The following ZDHHC11 variants were observed in gnomAD, a reference collection of about 807,000 sequenced individuals.
The protein encoded by ZDHHC11 is palmitoyltransferase ZDHHC11.
ZDHHC11 carries 44 observed loss-of-function variants against 51.3 expected under a neutral mutation model. The ratio of observed to expected loss-of-function variants is 0.86; its 90% CI spans 0.67 to 1.10. ZDHHC11 has a LOEUF of 1.10. Ranked by LOEUF, ZDHHC11 falls within the 50% of genes least tolerant of loss-of-function variation. ZDHHC11 has a pLI of 0.00. For synonymous variants in ZDHHC11, 163 were observed against 222.0 expected (o/e 0.73, Z 2.36); for missense variants, 400 against 537.7 (o/e 0.74, Z 2.53).
chr5:807,012 A>G (rs1269809806), intron 11 of ZDHHC11, among the ~76,000 whole-genome samples: 3 of 151,116 alleles, frequency 2.0e-5, no homozygotes, highest in Non-Finnish European at 4.4e-5. Flanking sequence ...GCACCTGTAC[A>G]ACAGGAGATC....
chr5:795,764 C>G lies in ZDHHC11; in HGVS notation c.*824G>C, dbSNP rs1218812134. ...ACTAAGATAAGAAGTCTGGGCTAGG[C>G]TGAAAAACTCAGAATCCAGGTCTGG... On this transcript the variant is annotated 3_prime_UTR_variant, in exon 13 of 13. Transcript: ENST00000283441. 2 of 154,486 alleles carry G rather than the reference C, an allele frequency of 1.3e-5. No individual in the cohort carries two copies. The highest frequency in any genetic ancestry group is 4.8e-5 in the African/African-American group (2 of 41,292). 9.6% of individuals were successfully genotyped at this position (154,486 alleles called of 1,614,324 possible). A position where few individuals can be genotyped will look rare whatever the true frequency, so the allele number is the denominator to read the frequency against.
intron 9 of ZDHHC11, among the ~76,000 whole-genome samples, chr5:820,426 G>C (rs1248084662): frequency 6.6e-6 from 1 of 151,630 alleles, no homozygotes; most frequent in African/African-American, 2.4e-5. Flanking sequence ...ATTACCAACA[G>C]GGCCTTGTCC....
chr5:810,318 C>T (rs1000491909), intron 11 of ZDHHC11, among the ~76,000 whole-genome samples: 30 of 148,630 alleles, frequency 2.0e-4, no homozygotes, highest in Non-Finnish European at 3.7e-4. Context: ...TCTTCACACG[C>T]GAAATCCTGC....
chr5:845,616 G>A (rs1437552128), intron 3 of ZDHHC11, among the ~76,000 whole-genome samples: 2 of 152,052 alleles, frequency 1.3e-5, no homozygotes, highest in Non-Finnish European at 2.9e-5. Flanking sequence ...TCCCTCACAG[G>A]GGCTCTGCCA....
At chr5:820,682 G>A (rs570885294) in intron 9 of ZDHHC11, among the ~76,000 whole-genome samples, 1 of 151,442 alleles carries the variant, frequency 6.6e-6, no homozygotes, top group African/African-American at 2.4e-5. Flanking sequence ...CCCTCCCAAT[G>A]GAAAGTGTGT....
rs765582511 is a variant in ZDHHC11, at chr5:812,794, T to C, written c.1181+1967A>G. 1.4e-4 allele frequency among the ~76,000 whole-genome samples: 21 copies of C among 151,476 alleles called. 2 individuals carry two copies. The highest frequency in any genetic ancestry group is 2.7e-4 in the Non-Finnish European group (18 of 67,698). On this transcript the variant is annotated intron_variant, in intron 11 of 12. Transcript: ENST00000283441. Reference sequence around the variant, plus strand: ...TGGTCATAAACTTAATATCCCATAGTGAACAATGGTTGACTAAGCCACGGT... The same window carrying C: ...TGGTCATAAACTTAATATCCCATAGCGAACAATGGTTGACTAAGCCACGGT...
chr5:807,810 C>T (rs1739480250), intron 11 of ZDHHC11, among the ~76,000 whole-genome samples: 1 of 151,086 alleles, frequency 6.6e-6, no homozygotes, highest in African/African-American at 2.4e-5. Context: ...CTGTCTGATG[C>T]CAAAGTCCAA....
rs1168381094 is a variant in ZDHHC11, at chr5:825,741, C to T, written c.936-490G>A. ...GCAAATTCCACAGAACAGGTGACAA[C>T]TCCGCTGCTGTCTCAAAAGTGCCAC... On this transcript the variant is annotated intron_variant, in intron 7 of 12. Coordinates refer to ENST00000283441, the MANE Select transcript of ZDHHC11 (RefSeq NM_024786.3). Among the ~76,000 whole-genome samples, 3 of 152,228 alleles carry T rather than the reference C, an allele frequency of 2.0e-5. No individual in the cohort carries two copies. The East Asian group carries it at 5.8e-4, about 29-fold the overall frequency.
intron 4 of ZDHHC11, chr5:841,266 C>T (rs1744874104): frequency 9.8e-7 from 1 of 1,023,144 alleles, no homozygotes; most frequent in Admixed American, 5.5e-5. Context: ...TCCTAAGTGC[C>T]AGGGCCCCAG....
intron 11 of ZDHHC11, among the ~76,000 whole-genome samples, chr5:805,256 C>A (rs1739083266): frequency 6.6e-6 from 1 of 151,212 alleles, no homozygotes; most frequent in African/African-American, 2.4e-5. Flanking sequence ...TGGCAACATA[C>A]TGATACCCCA....
At position 837,423 on chromosome 5, in the gene ZDHHC11, G is replaced by A; in HGVS notation, c.842C>T (p.Ser281Leu). Residue 281 changes from serine (S) to leucine (L), a missense_variant, in exon 6 of 13, where the codon TCA becomes TTA. Transcript: ENST00000283441. ...YLINNRKEES[S>L]KHQAVRKDPY... is the part of the protein sequence containing the mutation. Reference sequence around the variant, plus strand: ...ATCTTTCCTCACTGCTTGATGTTTTGAACTCTCTTCTTTGCGGTTATTAAT... The same window carrying A: ...ATCTTTCCTCACTGCTTGATGTTTTAAACTCTCTTCTTTGCGGTTATTAAT... 1 of 1,613,088 alleles carries A rather than the reference G, an allele frequency of 6.2e-7. No individual in the cohort carries two copies. The highest frequency in any genetic ancestry group is 8.5e-7 in the Non-Finnish European group (1 of 1,179,300).
chr5:806,765 A>C (rs1394715323), intron 11 of ZDHHC11, among the ~76,000 whole-genome samples: 1 of 150,056 alleles, frequency 6.7e-6, no homozygotes, highest in Non-Finnish European at 1.5e-5. Flanking sequence ...TATGGCTCAC[A>C]TGTGTTCAGA....
intron 7 of ZDHHC11, among the ~76,000 whole-genome samples, chr5:829,689 G>T (rs1489160338): frequency 1.3e-5 from 2 of 151,386 alleles, no homozygotes; most frequent in African/African-American, 2.4e-5. Context: ...ATAGCAAAAA[G>T]AGAAAACTAC....
upstream of ZDHHC11, among the ~76,000 whole-genome samples, chr5:854,243 T>G (rs1254047047): frequency 8.0e-6 from 1 of 125,626 alleles, no homozygotes; most frequent in Non-Finnish European, 1.6e-5. Context: ...CAGAGGACAT[T>G]GAGCAGTGTG....
intron 7 of ZDHHC11, among the ~76,000 whole-genome samples, chr5:833,514 CTT>C (rs1251917688): frequency 1.3e-5 from 2 of 151,824 alleles, no homozygotes; most frequent in African/African-American, 4.8e-5. Flanking sequence ...GGATCTTACT[CTT>C]GTGTGTTAGT....
At chr5:854,834 G>A (rs1305032977), upstream of ZDHHC11, among the ~76,000 whole-genome samples, 16 of 140,238 alleles carry the variant, frequency 1.1e-4, no homozygotes, top group South Asian at 2.3e-4. Context: ...GAGCCGGGGG[G>A]CACAGACCAC....
At chr5:804,702 T>A (rs1269584736) in intron 11 of ZDHHC11, among the ~76,000 whole-genome samples, 8 of 151,236 alleles carry the variant, frequency 5.3e-5, no homozygotes, top group African/African-American at 1.9e-4. Flanking sequence ...GGTGACATAG[T>A]TAAATGCCCT....
In ZDHHC11 at chr5:815,006, T is replaced by C. The variant is rs570051410; in HGVS notation, c.1147-211A>G. On this transcript the variant is annotated intron_variant, in intron 10 of 12. Coordinates refer to ENST00000283441, the MANE Select transcript of ZDHHC11 (RefSeq NM_024786.3). ...TGAACTATATCCTCCTCCAAATTCA[T>C]AGGTTGACATCCTGACTCCCAGTAC... is the stretch of plus-strand genomic sequence containing the variant. Among the ~76,000 whole-genome samples, 38 of 151,534 alleles carry C rather than the reference T, an allele frequency of 2.5e-4. 1 individual carries two copies. In the East Asian group the frequency reaches 7.2e-3, roughly 29 times the overall value.
In ZDHHC11 at chr5:856,390, CCA is replaced by C. The variant is rs746593631; in HGVS notation, c.-1+2482_-1+2483del. On this transcript the variant is annotated intron_variant, in intron 1 of 3. Transcript: ENST00000685990. ...CAACACAGACCACCCACAACACATA[CCA>C]CAGACACACAACACAAACCACAAAA... Among the ~76,000 whole-genome samples, 27 of 151,376 alleles carry C rather than the reference CCA, an allele frequency of 1.8e-4. 1 individual carries two copies. Among genetic ancestry groups the C allele is most frequent in the African/African-American group, 1.5e-4 (6 of 41,202 alleles).
Sources: gnomAD v4.1 joint callset for allele counts (sites outside exome capture counted in the v4.1 genomes callset) on GRCh38, gnomAD v4.1.1 for gene constraint, MANE v1.5 for transcripts, NCBI Gene and HGNC (gene_info 2026-07-23, HGNC 2026-07-21) for gene names.